FAM117B: variants seen among roughly 807,000 people sequenced by gnomAD.
The protein encoded by FAM117B is family with sequence similarity 117 member B, also known as protein FAM117B.
A neutral mutation model predicts 52.8 loss-of-function variants in FAM117B; 22 were observed. That is an observed-to-expected ratio of 0.42 (90% CI 0.30 to 0.59). The LOEUF is 0.59. Among genes scored for constraint, FAM117B ranks in the 20% least tolerant of loss-of-function variants. FAM117B has a pLI of 0.22. For missense variants in FAM117B, 678 were observed against 802.6 expected (o/e 0.84, Z 1.88); for synonymous variants, 309 against 324.1 (o/e 0.95, Z 0.50).
chr2:202,700,260 G>A (rs996333028), intron 2 of FAM117B, among the ~76,000 whole-genome samples: 3 of 152,004 alleles, frequency 2.0e-5, no homozygotes, highest in African/African-American at 7.3e-5. Context: ...CCAAAAGCTA[G>A]GCCTCTTGTA....
intron 6 of FAM117B, among the ~76,000 whole-genome samples, 193 bp downstream of exon 6, chr2:202,757,631 T>G (rs1691824439): frequency 6.6e-6 from 1 of 152,262 alleles, no homozygotes; most frequent in South Asian, 2.1e-4. Flanking sequence ...TGGGCAAGTT[T>G]ATGAGCTTTT....
chr2:202,732,822 A>ACAAG (rs1691376607), intron 4 of FAM117B, among the ~76,000 whole-genome samples: 1 of 125,880 alleles, frequency 7.9e-6, no homozygotes, highest in African/African-American at 3.5e-5. Context: ...CTCCATCTCA[A>ACAAG]TAAGTAAATA....
rs116333381 is a variant in FAM117B at position 202,677,533 on chromosome 2, G to A, written c.602-18348G>A. ...ATATACTTAATTTTTTGTATTTCTC[G>A]CTAGGCTATGAATTCTGTGAGAGGC... On this transcript the variant is annotated intron_variant, in intron 1 of 7. Coordinates refer to ENST00000392238, the MANE Select transcript of FAM117B (RefSeq NM_173511.4). 8.5e-3 allele frequency among the ~76,000 whole-genome samples: 1,291 copies of A among 152,050 alleles called. 24 individuals are homozygous for A. Among genetic ancestry groups the A allele is most frequent in the African/African-American group, 0.029 (1,219 of 41,460 alleles).
intron 4 of FAM117B, among the ~76,000 whole-genome samples, chr2:202,732,868 G>A (rs1475013552): frequency 1.5e-5 from 2 of 129,988 alleles, no homozygotes; most frequent in African/African-American, 3.4e-5. Flanking sequence ...AAGAAAACAT[G>A]CTAGTAAAAA....
At chr2:202,720,755 TAA>T (rs986928983) in intron 2 of FAM117B, among the ~76,000 whole-genome samples, 10 of 152,208 alleles carry the variant, frequency 6.6e-5, no homozygotes, top group Admixed American at 6.5e-4. Context: ...TTAATTACAT[TAA>T]GTTTTTAAAT....
intron 1 of FAM117B, among the ~76,000 whole-genome samples, chr2:202,684,034 T>C (rs1052909858): frequency 5.9e-5 from 9 of 152,174 alleles, no homozygotes; most frequent in African/African-American, 2.2e-4. Context: ...ACCTGGTTAA[T>C]TTTTGTATTT....
chr2:202,710,379 GTAAA>G (rs1690937643), intron 2 of FAM117B, among the ~76,000 whole-genome samples: 1 of 151,916 alleles, frequency 6.6e-6, no homozygotes, highest in Admixed American at 6.6e-5. Context: ...TGGTGCTGTT[GTAAA>G]TGAGATTGCT....
intron 2 of FAM117B, among the ~76,000 whole-genome samples, chr2:202,702,845 G>A (rs1216888821): frequency 6.6e-6 from 1 of 152,018 alleles, no homozygotes; most frequent in African/African-American, 2.4e-5. Context: ...GAGCCACTGC[G>A]CCCAGCCACA....
chr2:202,697,233 A>G (rs965883001), intron 2 of FAM117B, among the ~76,000 whole-genome samples: 1 of 152,160 alleles, frequency 6.6e-6, no homozygotes, highest in Admixed American at 6.5e-5. Flanking sequence ...TTGTGTAGTT[A>G]TTTATTTATG....
intron 3 of FAM117B, among the ~76,000 whole-genome samples, chr2:202,725,440 T>C (rs1251422776): frequency 6.6e-6 from 1 of 151,896 alleles, no homozygotes; most frequent in Non-Finnish European, 1.5e-5. Context: ...TGCCTCAGCC[T>C]CCCAAGTACC....
chr2:202,677,433 G>T (rs546960226), intron 1 of FAM117B, among the ~76,000 whole-genome samples: 1 of 152,206 alleles, frequency 6.6e-6, no homozygotes, highest in Non-Finnish European at 1.5e-5. Flanking sequence ...ATAGTAAAAT[G>T]CAGGAGGTGC....
At chr2:202,635,842 G>T in intron 1 of FAM117B, 54 bp downstream of exon 1, 2 of 1,353,950 alleles carry the variant, frequency 1.5e-6, no homozygotes, top group South Asian at 3.3e-5. Context: ...AAGGGGTCCC[G>T]GGCGCGCGCT....
At chr2:202,683,397 G>T (rs953307176) in intron 1 of FAM117B, among the ~76,000 whole-genome samples, 14 of 152,124 alleles carry the variant, frequency 9.2e-5, no homozygotes, top group Admixed American at 1.3e-4. Context: ...TCACAGGCAG[G>T]TTCTTAGAAA....
chr2:202,663,660 T>A (rs963190431), intron 1 of FAM117B, among the ~76,000 whole-genome samples: 2 of 150,764 alleles, frequency 1.3e-5, no homozygotes, highest in Non-Finnish European at 2.9e-5. Flanking sequence ...CTTGGCTCAC[T>A]GCAACCTCTG....
chr2:202,684,922 G>A (rs558628466), intron 1 of FAM117B, among the ~76,000 whole-genome samples: 10 of 152,026 alleles, frequency 6.6e-5, no homozygotes, highest in Non-Finnish European at 1.3e-4. Flanking sequence ...TAACGAGAAT[G>A]GGCTATATAT....
chr2:202,749,820 A>C (rs1276367971), intron 4 of FAM117B, among the ~76,000 whole-genome samples: 3 of 152,170 alleles, frequency 2.0e-5, no homozygotes, highest in African/African-American at 4.8e-5. Flanking sequence ...AGTTAAAAAT[A>C]GTTTCTCAGG....
chr2:202,670,000 T>A (rs1037237417), intron 1 of FAM117B, among the ~76,000 whole-genome samples: 1 of 152,200 alleles, frequency 6.6e-6, no homozygotes, highest in Non-Finnish European at 1.5e-5. Flanking sequence ...TGGGTCTGTT[T>A]GTTAGCTTCA....
At chr2:202,699,426 CAAAAAAAAAAA>C (rs751190825) in intron 2 of FAM117B, among the ~76,000 whole-genome samples, 1 of 17,914 alleles carries the variant, frequency 5.6e-5, no homozygotes, top group African/African-American at 1.8e-4. Context: ...GACCCCATCT[CAAAAAAAAAAA>C]AAAAAAAAAA....
chr2:202,654,302 G>A (rs779418266), intron 1 of FAM117B, among the ~76,000 whole-genome samples: 8 of 150,388 alleles, frequency 5.3e-5, no homozygotes, highest in Non-Finnish European at 1.2e-4. Context: ...TTTCAGGCAT[G>A]AGCCACCATG....
Sources: gnomAD v4.1 joint callset for allele counts (sites outside exome capture counted in the v4.1 genomes callset) on GRCh38, gnomAD v4.1.1 for gene constraint, MANE v1.5 for transcripts, NCBI Gene and HGNC (gene_info 2026-07-23, HGNC 2026-07-21) for gene names.